ZNF609: variants seen among roughly 807,000 people sequenced by gnomAD.
ZNF609 encodes zinc finger protein 609.
In ZNF609, 11 loss-of-function variants were observed where a neutral mutation model predicts 109.5. The ratio of observed to expected loss-of-function variants is 0.10; its 90% CI spans 0.06 to 0.17. The LOEUF is 0.17. Among genes scored for constraint, ZNF609 ranks in the 10% least tolerant of loss-of-function variants. The pLI, the probability that ZNF609 is intolerant of heterozygous loss-of-function variation, is 1.00. For synonymous variants in ZNF609, 646 were observed against 662.0 expected (o/e 0.98, Z 0.37); for missense variants, 1,559 against 1,772.4 (o/e 0.88, Z 2.16).
intron 2 of ZNF609, among the ~76,000 whole-genome samples, chr15:64,559,515 T>G (rs1005942162): frequency 6.6e-6 from 1 of 152,210 alleles, no homozygotes; most frequent in Non-Finnish European, 1.5e-5. Context: ...CGTGAGGTAT[T>G]CCCAATTCTA....
chr15:64,641,918 C>T (rs72742972), intron 3 of ZNF609, among the ~76,000 whole-genome samples: 7,318 of 152,198 alleles, frequency 0.048, 237 homozygotes, highest in South Asian at 0.086. Flanking sequence ...GGAACAGTAA[C>T]CACATTTCTG....
intron 2 of ZNF609, chr15:64,529,696 A>G (rs1308340072): frequency 5.8e-6 from 4 of 693,048 alleles, no homozygotes; most frequent in Non-Finnish European, 1.1e-5. Flanking sequence ...GCAGCTGCCA[A>G]TGCGAGAGAA....
intron 3 of ZNF609, among the ~76,000 whole-genome samples, chr15:64,661,106 C>T (rs1310367062): frequency 7.9e-5 from 12 of 152,112 alleles, no homozygotes; most frequent in African/African-American, 2.2e-4. Flanking sequence ...GGACTACAGG[C>T]GTGTGCCACC....
At chr15:64,553,532 T>C (rs1894522378) in intron 2 of ZNF609, among the ~76,000 whole-genome samples, 1 of 151,574 alleles carries the variant, frequency 6.6e-6, no homozygotes, top group African/African-American at 2.4e-5. Flanking sequence ...AGTTTCTGAA[T>C]GTTTACGTAA....
intron 2 of ZNF609, among the ~76,000 whole-genome samples, chr15:64,570,382 T>C (rs1894841978): frequency 6.6e-6 from 1 of 152,240 alleles, no homozygotes; most frequent in Non-Finnish European, 1.5e-5. Context: ...TGGTTAAGCA[T>C]AAATATGTTT....
intron 1 of ZNF609, among the ~76,000 whole-genome samples, chr15:64,487,897 G>A (rs1335915142): frequency 2.0e-5 from 3 of 152,296 alleles, no homozygotes; most frequent in Non-Finnish European, 2.9e-5. Flanking sequence ...GCCTCCCAAA[G>A]TGCTGGGATT....
chr15:64,594,951 G>A (rs1191272963), intron 2 of ZNF609, among the ~76,000 whole-genome samples: 4 of 149,282 alleles, frequency 2.7e-5, no homozygotes, highest in African/African-American at 4.9e-5. Flanking sequence ...GCGTGAACCC[G>A]GGAAGTGGAG....
At chr15:64,629,191 G>A (rs1291796695) in intron 3 of ZNF609, among the ~76,000 whole-genome samples, 2 of 152,180 alleles carry the variant, frequency 1.3e-5, no homozygotes, top group South Asian at 2.1e-4. Context: ...TGAGATTCAG[G>A]ATGCTGAAAT....
chr15:64,461,547 C>G (rs1596371775), intron 1 of ZNF609, among the ~76,000 whole-genome samples: 1 of 152,230 alleles, frequency 6.6e-6, no homozygotes, highest in Admixed American at 6.5e-5. Flanking sequence ...TCCTTCCTCC[C>G]TCTGGGGTTG....
intron 2 of ZNF609, among the ~76,000 whole-genome samples, chr15:64,607,181 A>G (rs1309331469): frequency 3.1e-5 from 1 of 32,126 alleles, no homozygotes; most frequent in African/African-American, 5.2e-5. Flanking sequence ...AAATAAATAA[A>G]GTAAAAAAAA....
At chr15:64,656,088 G>C (rs1896483856) in intron 3 of ZNF609, among the ~76,000 whole-genome samples, 1 of 151,862 alleles carries the variant, frequency 6.6e-6, no homozygotes, top group Non-Finnish European at 1.5e-5. Flanking sequence ...TTTTGAGACT[G>C]AGTCTCACTC....
At chr15:64,570,310 CATT>C (rs1894840984) in intron 2 of ZNF609, among the ~76,000 whole-genome samples, 1 of 152,206 alleles carries the variant, frequency 6.6e-6, no homozygotes, top group African/African-American at 2.4e-5. Flanking sequence ...TACTACCTCT[CATT>C]ATATCTTTTT....
chr15:64,523,459 A>G (rs1893922009), intron 2 of ZNF609, among the ~76,000 whole-genome samples: 6 of 152,140 alleles, frequency 3.9e-5, no homozygotes, highest in Admixed American at 3.9e-4. Context: ...ATTTCAGGAA[A>G]TCTAGGAAAA....
intron 2 of ZNF609, among the ~76,000 whole-genome samples, chr15:64,580,326 T>G (rs895122663): frequency 6.6e-6 from 1 of 152,192 alleles, no homozygotes; most frequent in Non-Finnish European, 1.5e-5. Flanking sequence ...AACTGTATGA[T>G]AATAAATTTG....
chr15:64,520,012 CCT>C (rs1860715940), intron 2 of ZNF609, among the ~76,000 whole-genome samples: 1 of 152,292 alleles, frequency 6.6e-6, no homozygotes, highest in South Asian at 2.1e-4. Context: ...CTCCTTGCAG[CCT>C]CTCTTGTCTT....
intron 2 of ZNF609, among the ~76,000 whole-genome samples, chr15:64,602,332 C>G (rs907531267): frequency 1.3e-5 from 2 of 152,188 alleles, no homozygotes; most frequent in Non-Finnish European, 1.5e-5. Context: ...ATCCCAGTGT[C>G]ATCACTTAGT....
intron 2 of ZNF609, among the ~76,000 whole-genome samples, chr15:64,607,348 A>T (rs576555296): frequency 2.6e-5 from 4 of 152,104 alleles, no homozygotes; most frequent in Non-Finnish European, 4.4e-5. Flanking sequence ...TATATATTCT[A>T]TGTAAGGCTG....
At position 64,681,725 on chromosome 15, in the gene ZNF609, G is replaced by T. The variant is rs1344080742; in HGVS notation, c.*39G>T. ...TGCCCGGATAAAGTCAGCTTCACGG[G>T]CCCGGACTGGCTTACCCAAGGAGGT... On this transcript the variant is annotated 3_prime_UTR_variant, in exon 10 of 10. Coordinates refer to ENST00000326648, the MANE Select transcript of ZNF609 (RefSeq NM_015042.2). 2.3e-5 allele frequency: 5 copies of T among 218,290 alleles called. No homozygotes were observed. Among genetic ancestry groups the T allele is most frequent in the Non-Finnish European group, 4.6e-5 (5 of 108,662 alleles). 13.5% of individuals were successfully genotyped at this position (218,290 alleles called of 1,614,324 possible).
At chr15:64,666,449 A>C (rs2141008423) in intron 3 of ZNF609, among the ~76,000 whole-genome samples, 1 of 152,316 alleles carries the variant, frequency 6.6e-6, no homozygotes, top group African/African-American at 2.4e-5. Flanking sequence ...ATATTCAATA[A>C]GATAATATGA....
Sources: gnomAD v4.1 joint callset for allele counts (sites outside exome capture counted in the v4.1 genomes callset) on GRCh38, gnomAD v4.1.1 for gene constraint, MANE v1.5 for transcripts, NCBI Gene and HGNC (gene_info 2026-07-23, HGNC 2026-07-21) for gene names.